Variants in KANK4 observed in about 807,000 individuals in gnomAD.
KANK4 encodes the protein KN motif and ankyrin repeat domains 4, also known as KN motif and ankyrin repeat domain-containing protein 4.
In KANK4, 50 loss-of-function variants were observed where a neutral mutation model predicts 80.8. The observed-to-expected ratio is 0.62, with a 90% confidence interval of 0.49 to 0.78. The LOEUF is 0.78. Among genes scored for constraint, KANK4 ranks in the 30% least tolerant of loss-of-function variants. The pLI is 0.00. For synonymous variants in KANK4, 465 were observed against 506.9 expected, an observed-to-expected ratio of 0.92 and a Z score of 1.11; for missense variants, 1,196 against 1,240.1, an observed-to-expected ratio of 0.96 and a Z score of 0.53.
At chr1:62,272,793 C>CTT (rs57507456) in intron 3 of KANK4, 5,069 of 142,466 alleles carry the variant, frequency 0.036, 308 homozygotes, top group African/African-American at 0.12. Flanking sequence ...ATCTTTTTTT[C>CTT]TTTTTTTTTT....
chr1:62,300,751 A>T (rs1401826854), intron 1 of KANK4, among the ~76,000 whole-genome samples: 2 of 152,058 alleles, frequency 1.3e-5, no homozygotes. Flanking sequence ...TGGGTTTTAA[A>T]TACAACTCTG....
intron 2 of KANK4, among the ~76,000 whole-genome samples, chr1:62,276,593 C>G (rs148364985): frequency 6.6e-6 from 1 of 152,040 alleles, no homozygotes; most frequent in East Asian, 1.9e-4. Context: ...CTGGCCAACA[C>G]GGTGAAACCC....
intron 1 of KANK4, among the ~76,000 whole-genome samples, chr1:62,288,111 G>A (rs955897792): frequency 1.3e-5 from 2 of 151,978 alleles, no homozygotes; most frequent in African/African-American, 4.8e-5. Flanking sequence ...TTACTCAGAC[G>A]TATGTTTAAG....
rs1030239751 is a variant in KANK4, at chr1:62,243,989, T to G, written c.2883+3483A>C. On this transcript the variant is annotated intron_variant, in intron 9 of 9. Coordinates refer to ENST00000371153, the MANE Select transcript of KANK4 (RefSeq NM_181712.5). The stretch of plus-strand genomic sequence containing the variant: ...TTTTTGTTTTAGCTATCACTGTTCA[T>G]CTATTCATAATTAAAATAGTTACCA... 4.6e-5 allele frequency among the ~76,000 whole-genome samples: 7 copies of G among 152,126 alleles called. No individual in the cohort carries two copies. In the East Asian group the frequency reaches 1.4e-3, roughly 29 times the overall value.
rs762022520 is a variant in KANK4, at chr1:62,247,614, G to T, written c.2741C>A (p.Ala914Glu). The T allele has an allele frequency of 3.1e-6, 5 of 1,613,910 alleles. No homozygotes were observed. The African/African-American group carries it at 4.0e-5, about 13-fold the overall frequency. ...VSHDREDMVQALLSCQADVNL... is the reference protein window; with the variant it reads ...VSHDREDMVQELLSCQADVNL... ...GACATCTGCCTGGCAGCTAAGCAGC[G>T]CTTGAACCATGTCCTCCCTGTCGTG... Residue 914 changes from alanine (A) to glutamate (E), a missense_variant, in exon 9 of 10, where the codon GCG becomes GAG. Ala to Glu is a moderately radical substitution (Grantham distance 107). Transcript: ENST00000371153.
chr1:62,252,223 G>A (rs1671639959), intron 8 of KANK4, among the ~76,000 whole-genome samples: 1 of 152,198 alleles, frequency 6.6e-6, no homozygotes, highest in Non-Finnish European at 1.5e-5. Flanking sequence ...TAAGGCACAA[G>A]TGACCCAGTG....
chr1:62,313,421 G>A (rs571746290), intron 1 of KANK4, among the ~76,000 whole-genome samples: 1 of 152,322 alleles, frequency 6.6e-6, no homozygotes, highest in East Asian at 1.9e-4. Context: ...AGAAGCTGAA[G>A]TTTAGTAAAC....
chr1:62,255,770 T>C (rs149724737), intron 7 of KANK4, among the ~76,000 whole-genome samples: 190 of 152,316 alleles, frequency 1.2e-3, no homozygotes, highest in Middle Eastern at 6.8e-3. Context: ...CACCTCAGCC[T>C]CCTGAGTAGC....
intron 1 of KANK4, among the ~76,000 whole-genome samples, chr1:62,312,413 T>G (rs908510135): frequency 1.3e-5 from 2 of 152,178 alleles, no homozygotes; most frequent in Non-Finnish European, 2.9e-5. Context: ...CTATCCAAGT[T>G]TACAGACTCC....
chr1:62,253,268 CT>C, intron 7 of KANK4, 59 bp from the exon 8 acceptor site: 1 of 1,531,192 alleles, frequency 6.5e-7, no homozygotes, highest in Non-Finnish European at 8.7e-7. Context: ...CCAGACTCCA[CT>C]TTAGCCGTTT....
At chr1:62,307,499 T>C (rs868307704) in intron 1 of KANK4, among the ~76,000 whole-genome samples, 9 of 102,054 alleles carry the variant, frequency 8.8e-5, no homozygotes, top group Non-Finnish European at 1.3e-4. Context: ...AAAAAAAAAA[T>C]TCCTGAGGAG....
In KANK4 at chr1:62,274,047, C is replaced by T. The variant is rs150621762; in HGVS notation, c.1057G>A (p.Glu353Lys). The T allele has an allele frequency of 1.9e-4, 313 of 1,614,108 alleles. 1 individual carries two copies. Among genetic ancestry groups the T allele is most frequent in the Non-Finnish European group, 2.4e-4 (289 of 1,180,054 alleles). ...SSLKQQVSALEGELSGRTEEL... is the reference protein window; with the variant it reads ...SSLKQQVSALKGELSGRTEEL... ...TCGGTTCTTCCAGACAACTCTCCCT[C>T]CAGGGCCGAGACCTGCTGTTTCAGG... Residue 353 changes from glutamate (E) to lysine (K), a missense_variant, in exon 3 of 10, where the codon GAG (glutamate) becomes AAG (lysine). Glu to Lys is a moderately conservative substitution (Grantham distance 56). This residue lies in a region of KANK4 where 1,154 missense variants were observed against 1,179.6 expected (regional missense o/e 0.98). Transcript: ENST00000371153.
chr1:62,310,822 C>T (rs150662707), intron 1 of KANK4, among the ~76,000 whole-genome samples: 127 of 152,024 alleles, frequency 8.4e-4, no homozygotes, highest in African/African-American at 2.7e-3. Flanking sequence ...CCCAAAATGG[C>T]GCTGAAGCAC....
Position 62,274,875 on chromosome 1 carries a change from C to G in KANK4, c.229G>C (p.Asp77His). The G allele has an allele frequency of 6.2e-7, 1 of 1,614,152 alleles. No individual in the cohort carries two copies. The highest frequency in any genetic ancestry group is 1.1e-5 in the South Asian group (1 of 91,082). Residue 77 changes from aspartate (D) to histidine (H), a missense_variant, in exon 3 of 10, where the codon GAC becomes CAC. Physicochemically the swap from Asp to His is moderately conservative, Grantham distance 81. Around this residue, in one of 3 missense-constraint regions of KANK4, gnomAD observed 1,154 missense variants for 1,179.6 expected, o/e 0.98. Coordinates refer to ENST00000371153, the MANE Select transcript of KANK4 (RefSeq NM_181712.5). Reference sequence around the variant, plus strand: ...GCTGCAGGGGGGCGAGCCCCACTGTCAGGAAGGCTGAAGTTTCGGGGCAGA... The same window carrying G: ...GCTGCAGGGGGGCGAGCCCCACTGTGAGGAAGGCTGAAGTTTCGGGGCAGA... ...STLPRNFSLPDSGARPPAAPP... is the reference protein window; with the variant it reads ...STLPRNFSLPHSGARPPAAPP...
chr1:62,314,083 G>A lies in KANK4; in HGVS notation c.-71+5023C>T, dbSNP rs192278544. ...GGCTGGAGTACAGTGGCGCGATCTC[G>A]GCTCACTGCAACTTCTGCCTCCTGG... On this transcript the variant is annotated intron_variant, in intron 1 of 9. Transcript: ENST00000371153. 3.3e-5 allele frequency among the ~76,000 whole-genome samples: 5 copies of A among 152,008 alleles called. No individual in the cohort carries two copies. The East Asian group carries it at 5.8e-4, about 18-fold the overall frequency.
intron 1 of KANK4, among the ~76,000 whole-genome samples, chr1:62,296,834 C>A (rs1369554780): frequency 6.6e-6 from 1 of 152,150 alleles, no homozygotes; most frequent in African/African-American, 2.4e-5. Flanking sequence ...GCCACCACAT[C>A]TGGCTGCAAA....
At chr1:62,301,928 G>T (rs1644415180) in intron 1 of KANK4, among the ~76,000 whole-genome samples, 1 of 151,826 alleles carries the variant, frequency 6.6e-6, no homozygotes, top group African/African-American at 2.4e-5. Flanking sequence ...GGTGGGGGGT[G>T]GTGAGAAGCA....
At chr1:62,263,351 G>A in intron 6 of KANK4, 40 bp from the exon 7 acceptor site, 1 of 1,517,156 alleles carries the variant, frequency 6.6e-7, no homozygotes, top group Non-Finnish European at 9.0e-7. Flanking sequence ...AGGTTCCCCG[G>A]CCAGCAAGAG....
chr1:62,238,179 G>T lies in KANK4; in HGVS notation c.*98C>A. 1 of 726,144 alleles carries T rather than the reference G, an allele frequency of 1.4e-6. No individual in the cohort carries two copies. The highest frequency in any genetic ancestry group is 2.4e-6 in the Non-Finnish European group (1 of 422,510). 45.0% of individuals were successfully genotyped at this position (726,144 alleles called of 1,614,324 possible). A position where few individuals can be genotyped will look rare whatever the true frequency, so the allele number is the denominator to read the frequency against. On this transcript the variant is annotated 3_prime_UTR_variant, in exon 10 of 10. Transcript: ENST00000371153. ...TTTGACATAGTTTCTTCTCTAGAAG[G>T]GTGGCTCTCTGGCCTGTGACCTCTG... is the stretch of plus-strand genomic sequence containing the variant.
Sources: gnomAD v4.1 joint callset for allele counts (sites outside exome capture counted in the v4.1 genomes callset) on GRCh38, gnomAD v4.1.1 for gene constraint, gnomAD v4.1.1 regional missense constraint, MANE v1.5 for transcripts, NCBI Gene and HGNC (gene_info 2026-07-23, HGNC 2026-07-21) for gene names.